The following FBXO36 variants were observed in gnomAD, a reference collection of about 807,000 sequenced individuals.
FBXO36 encodes F-box protein 36, also known as F-box only protein 36.
A neutral mutation model predicts 17.0 loss-of-function variants in FBXO36; 18 were observed. That is an observed-to-expected ratio of 1.06 (90% CI 0.73 to 1.57). The LOEUF is 1.57. Ranked by LOEUF, FBXO36 falls within the 40% of genes most tolerant of loss-of-function variation. The pLI is 0.00. For synonymous variants in FBXO36, 83 were observed against 85.3 expected (o/e 0.97, Z 0.15); for missense variants, 229 against 221.9 (o/e 1.03, Z -0.20).
intron 1 of FBXO36, among the ~76,000 whole-genome samples, chr2:229,955,458 G>A (rs1378518960): frequency 2.0e-5 from 3 of 151,874 alleles, no homozygotes; most frequent in East Asian, 1.9e-4. Context: ...CAAGGCTGGC[G>A]TGAGCTCTGC....
chr2:229,941,638 G>A (rs1276731561), intron 1 of FBXO36, among the ~76,000 whole-genome samples: 3 of 152,196 alleles, frequency 2.0e-5, no homozygotes, highest in Admixed American at 2.0e-4. Flanking sequence ...TGACAGTGGG[G>A]AAGGGGAGAT....
chr2:229,930,622 G>C (rs1231850863), intron 1 of FBXO36, among the ~76,000 whole-genome samples: 2 of 151,630 alleles, frequency 1.3e-5, no homozygotes, highest in African/African-American at 2.4e-5. Context: ...GTGGTGGTGG[G>C]CGCCTGTAAT....
chr2:230,002,464 A>G (rs1460347389), intron 3 of FBXO36, among the ~76,000 whole-genome samples: 1 of 151,220 alleles, frequency 6.6e-6, no homozygotes, highest in Non-Finnish European at 1.5e-5. Context: ...GCTCACTGCA[A>G]CCTCCACCCC....
intron 1 of FBXO36, chr2:229,923,266 GATTAT>G (rs1039486209): frequency 1.3e-5 from 2 of 152,030 alleles, no homozygotes; most frequent in African/African-American, 4.8e-5. Context: ...TAAGACCGAG[GATTAT>G]ATTATCTCCA....
intron 1 of FBXO36, among the ~76,000 whole-genome samples, chr2:229,958,946 T>C (rs1347792763): frequency 6.6e-6 from 1 of 152,190 alleles, no homozygotes; most frequent in Non-Finnish European, 1.5e-5. Context: ...AAGAAACAGA[T>C]GATGAAACTC....
chr2:230,001,804 C>A (rs975711001), intron 3 of FBXO36, among the ~76,000 whole-genome samples: 1 of 151,834 alleles, frequency 6.6e-6, no homozygotes, highest in East Asian at 1.9e-4. Context: ...CCTTTCTCTT[C>A]TGTTTGTTAT....
Position 230,012,047 on chromosome 2 carries a change from G to A in FBXO36, c.*1163G>A, listed in dbSNP as rs1337900197. On this transcript the variant is annotated 3_prime_UTR_variant, in exon 4 of 4. Coordinates refer to ENST00000283946, the MANE Select transcript of FBXO36 (RefSeq NM_174899.5). ...ATCTAATGACTCCTTTTAGGTTACA[G>A]AGCAAAGTAGCTTTCTACTTCCACA... is the stretch of plus-strand genomic sequence containing the variant. 3 of 152,138 alleles carry A rather than the reference G, an allele frequency of 2.0e-5. No homozygotes were observed. Among genetic ancestry groups the A allele is most frequent in the African/African-American group, 4.8e-5 (2 of 41,436 alleles). The allele number at this position is 152,138 out of a possible 1,614,324, so 9.4% of individuals were successfully genotyped here.
intron 1 of FBXO36, among the ~76,000 whole-genome samples, chr2:229,947,187 A>G (rs1001088002): frequency 6.6e-6 from 1 of 152,188 alleles, no homozygotes; most frequent in Non-Finnish European, 1.5e-5. Context: ...ATAAATAACA[A>G]TAAGAAGCAA....
intron 3 of FBXO36, among the ~76,000 whole-genome samples, chr2:230,009,447 G>C (rs968067838): frequency 6.6e-6 from 1 of 152,158 alleles, no homozygotes; most frequent in Non-Finnish European, 1.5e-5. Flanking sequence ...GCAAGGACAT[G>C]GTTTCATTCT....
chr2:229,936,033 C>T (rs2076961953), intron 1 of FBXO36, among the ~76,000 whole-genome samples: 1 of 152,066 alleles, frequency 6.6e-6, no homozygotes, highest in Non-Finnish European at 1.5e-5. Flanking sequence ...ACTAAAAATA[C>T]AAAAATTAGC....
intron 1 of FBXO36, 22 bp downstream of exon 1, chr2:229,922,631 C>T: frequency 6.2e-7 from 1 of 1,612,190 alleles, no homozygotes. Context: ...CCGCGGTTTA[C>T]CCTCTCTCCT....
intron 3 of FBXO36, 51 bp from the exon 4 acceptor site, chr2:230,010,645 T>A: frequency 6.7e-7 from 1 of 1,502,270 alleles, no homozygotes; most frequent in Non-Finnish European, 9.0e-7. Context: ...AGTTTGATAA[T>A]GAGTTAACAC....
At chr2:229,924,102 A>G (rs193036136) in intron 1 of FBXO36, among the ~76,000 whole-genome samples, 6 of 132,640 alleles carry the variant, frequency 4.5e-5, no homozygotes, top group African/African-American at 1.7e-4. Context: ...TTGTTTGTTT[A>G]TTTATCGAGA....
intron 2 of FBXO36, among the ~76,000 whole-genome samples, chr2:229,980,348 CA>C (rs2077231970): frequency 6.8e-6 from 1 of 147,724 alleles, no homozygotes; most frequent in East Asian, 1.9e-4. Flanking sequence ...AGATGTGAGC[CA>C]CGGCGCCCTG....
chr2:230,005,593 C>CATAAT (rs2077383128), intron 3 of FBXO36, among the ~76,000 whole-genome samples: 7 of 152,144 alleles, frequency 4.6e-5, no homozygotes, highest in Admixed American at 4.6e-4. Flanking sequence ...TATGCGCCTC[C>CATAAT]ATGCATATGG....
chr2:229,988,168 A>G (rs1425276178), intron 2 of FBXO36, among the ~76,000 whole-genome samples: 1 of 152,156 alleles, frequency 6.6e-6, no homozygotes. Context: ...CTTAATATTT[A>G]GCTAAATTAC....
chr2:229,943,110 T>G (rs1205379482), intron 1 of FBXO36: 1 of 152,268 alleles, frequency 6.6e-6, no homozygotes, highest in Admixed American at 6.5e-5. Flanking sequence ...GTAGTGATGT[T>G]AACCAGGGTC....
At chr2:229,962,476 A>G (rs2077127420) in intron 1 of FBXO36, among the ~76,000 whole-genome samples, 1 of 149,446 alleles carries the variant, frequency 6.7e-6, no homozygotes, top group African/African-American at 2.5e-5. Flanking sequence ...CACTACAGGC[A>G]TGCACCACCA....
intron 2 of FBXO36, among the ~76,000 whole-genome samples, chr2:229,992,272 C>G (rs2077301730): frequency 6.6e-6 from 1 of 151,932 alleles, no homozygotes; most frequent in Admixed American, 6.6e-5. Context: ...ATTATCATGC[C>G]TCAGCCTTGT....
Sources: allele counts gnomAD v4.1 joint callset (sites outside exome capture counted in the v4.1 genomes callset), GRCh38; gene constraint gnomAD v4.1.1; transcripts MANE v1.5; gene names NCBI Gene and HGNC (gene_info 2026-07-23, HGNC 2026-07-21).